TRDN: variants seen among roughly 807,000 people sequenced by gnomAD.
TRDN encodes triadin in skeletal muscle.
Under a neutral mutation model 149.7 loss-of-function variants are expected in TRDN, and 161 were observed. The observed-to-expected ratio is 1.08, with a 90% CI of 0.95 to 1.23. The LOEUF (loss-of-function observed/expected upper bound fraction) is 1.23, where lower values mean the gene tolerates loss of function less well. Ranked by LOEUF, TRDN falls within the 50% of genes most tolerant of loss-of-function variation. The pLI, the probability that TRDN is intolerant of heterozygous loss-of-function variation, is 0.00. For missense variants in TRDN, 896 were observed against 823.5 expected (o/e 1.09, Z -1.08); for synonymous variants, 294 against 250.5 (o/e 1.17, Z -1.64).
chr6:123,367,228 C>T (rs979737357), intron 19 of TRDN, among the ~76,000 whole-genome samples: 4 of 152,046 alleles, frequency 2.6e-5, no homozygotes, highest in South Asian at 4.2e-4. Context: ...TAATAATAAG[C>T]TCGTGAATTT....
At chr6:123,243,133 G>T (rs920795295) in intron 38 of TRDN, among the ~76,000 whole-genome samples, 4 of 152,092 alleles carry the variant, frequency 2.6e-5, no homozygotes, top group Non-Finnish European at 4.4e-5. Context: ...AAAACTACGT[G>T]TCCCTAGTTG....
chr6:123,395,328 G>A (rs1432480370), intron 12 of TRDN, among the ~76,000 whole-genome samples: 2 of 152,014 alleles, frequency 1.3e-5, no homozygotes, highest in Non-Finnish European at 2.9e-5. Flanking sequence ...TTTTCCTAGG[G>A]CCTTATCACT....
At chr6:123,610,541 G>T (rs908073844) in intron 1 of TRDN, among the ~76,000 whole-genome samples, 2 of 152,110 alleles carry the variant, frequency 1.3e-5, no homozygotes, top group African/African-American at 4.8e-5. Flanking sequence ...TCTTTACTGG[G>T]CCAAGAGTAA....
intron 9 of TRDN, among the ~76,000 whole-genome samples, chr6:123,472,118 C>T (rs1285383375): frequency 6.6e-6 from 1 of 152,228 alleles, no homozygotes; most frequent in Non-Finnish European, 1.5e-5. Flanking sequence ...CTACAGCTCC[C>T]AGCGTGAGCG....
chr6:123,287,455 G>A (rs1274636821), intron 24 of TRDN, among the ~76,000 whole-genome samples: 1 of 152,134 alleles, frequency 6.6e-6, no homozygotes, highest in East Asian at 1.9e-4. Flanking sequence ...CCTGATGCAT[G>A]TTGAAATTTG....
chr6:123,233,210 C>T (rs907218428), intron 38 of TRDN, among the ~76,000 whole-genome samples: 2 of 151,988 alleles, frequency 1.3e-5, no homozygotes, highest in Non-Finnish European at 2.9e-5. Flanking sequence ...ATCTTAAAAA[C>T]CCACGGTAGT....
chr6:123,222,320 C>T (rs546583718), intron 39 of TRDN, among the ~76,000 whole-genome samples: 1 of 151,484 alleles, frequency 6.6e-6, no homozygotes, highest in Non-Finnish European at 1.5e-5. Context: ...AATCTATATA[C>T]CACTAGTTTC....
At chr6:123,352,461 G>C in intron 21 of TRDN, 78 bp downstream of exon 21, 2 of 1,583,430 alleles carry the variant, frequency 1.3e-6, no homozygotes, top group Non-Finnish European at 1.7e-6. Flanking sequence ...TCTTCCGCCT[G>C]TCTGAATCCA....
intron 6 of TRDN, among the ~76,000 whole-genome samples, 190 bp downstream of exon 6, chr6:123,515,951 A>G (rs1197121081): frequency 6.6e-6 from 1 of 152,118 alleles, no homozygotes; most frequent in Admixed American, 6.6e-5. Context: ...TTCCAGTTCA[A>G]CAGTTCTTAA....
chr6:123,537,776 GAT>G (rs1197706953), intron 4 of TRDN, among the ~76,000 whole-genome samples: 2 of 152,190 alleles, frequency 1.3e-5, no homozygotes, highest in Non-Finnish European at 2.9e-5. Context: ...AGTGAAAATA[GAT>G]TGTATCAGTG....
intron 1 of TRDN, among the ~76,000 whole-genome samples, chr6:123,589,546 AT>A (rs1361970899): frequency 6.6e-6 from 1 of 152,126 alleles, no homozygotes; most frequent in Non-Finnish European, 1.5e-5. Context: ...GTTGACTCTA[AT>A]GTGCGTTTTT....
In TRDN at chr6:123,217,849, T is replaced by C. The variant is rs555607027; in HGVS notation, c.*752A>G. On this transcript the variant is annotated 3_prime_UTR_variant, in exon 41 of 41. Coordinates refer to ENST00000334268, the MANE Select transcript of TRDN (RefSeq NM_006073.4). ...GAAATTTCAGAATTCCACATCTCATTTGCTAATATTTTAAACAAACGATTC... is the reference window on the plus strand; with the variant it reads ...GAAATTTCAGAATTCCACATCTCATCTGCTAATATTTTAAACAAACGATTC... The C allele has an allele frequency of 2.0e-5, 3 of 152,130 alleles. 1 individual carries two copies. The South Asian group carries it at 6.2e-4, about 32-fold the overall frequency. 9.4% of individuals were successfully genotyped at this position (152,130 alleles called of 1,614,324 possible).
Position 123,438,994 on chromosome 6 carries a change from C to A in TRDN, c.941G>T (p.Gly314Val). The A allele has an allele frequency of 1.3e-6, 2 of 1,555,070 alleles. No individual in the cohort carries two copies. Among genetic ancestry groups the A allele is most frequent in the Non-Finnish European group, 1.7e-6 (2 of 1,148,480 alleles). The change falls in exon 11 of 41, where the codon GGG (glycine) becomes GTG (valine). Residue 314 changes from glycine to valine, a missense_variant. Transcript: ENST00000334268. ...PASPALEEKE[G>V]EKKKAEKKVT... ...TTTCTTCTCAGCCTTCTTCTTTTCCCCTTCTTTTTCTAGAGAATACATTTA... is the reference window on the plus strand; with the variant it reads ...TTTCTTCTCAGCCTTCTTCTTTTCCACTTCTTTTTCTAGAGAATACATTTA...
At chr6:123,496,981 A>T (rs1346430357) in intron 9 of TRDN, among the ~76,000 whole-genome samples, 2 of 152,076 alleles carry the variant, frequency 1.3e-5, no homozygotes, top group East Asian at 3.9e-4. Flanking sequence ...TTACATTTCA[A>T]CTGACTTCAT....
At chr6:123,223,022 A>G (rs977172707) in intron 39 of TRDN, among the ~76,000 whole-genome samples, 1 of 151,850 alleles carries the variant, frequency 6.6e-6, no homozygotes, top group African/African-American at 2.4e-5. Flanking sequence ...TTGCAGAGAG[A>G]AGAGAACACT....
intron 12 of TRDN, among the ~76,000 whole-genome samples, chr6:123,410,610 G>T (rs768255012): frequency 1.3e-5 from 2 of 152,046 alleles, no homozygotes; most frequent in African/African-American, 4.8e-5. Flanking sequence ...TAAACATAGG[G>T]TCAGTGAAAA....
intron 12 of TRDN, among the ~76,000 whole-genome samples, chr6:123,435,457 C>T (rs533702268): frequency 2.6e-5 from 4 of 151,670 alleles, no homozygotes; most frequent in Non-Finnish European, 5.9e-5. Context: ...TAAAAAGAAA[C>T]GAGTTAAAAA....
chr6:123,316,917 G>C (rs1779045990), intron 23 of TRDN, among the ~76,000 whole-genome samples: 1 of 151,558 alleles, frequency 6.6e-6, no homozygotes, highest in Non-Finnish European at 1.5e-5. Context: ...TTTAATTCAT[G>C]GGGCTCCACC....
intron 2 of TRDN, among the ~76,000 whole-genome samples, chr6:123,556,762 C>G (rs1448735762): frequency 1.3e-5 from 2 of 152,072 alleles, no homozygotes; most frequent in Non-Finnish European, 2.9e-5. Flanking sequence ...CAGTCTGTCC[C>G]TCTCCTCTAG....
Sources: gnomAD v4.1 joint callset for allele counts (sites outside exome capture counted in the v4.1 genomes callset) on GRCh38, gnomAD v4.1.1 for gene constraint, MANE v1.5 for transcripts, NCBI Gene and HGNC (gene_info 2026-07-23, HGNC 2026-07-21) for gene names.